The following CDH18 variants were observed in gnomAD, a reference collection of about 807,000 sequenced individuals.
The protein encoded by CDH18 is cadherin 18.
CDH18 carries 31 observed loss-of-function variants against 67.9 expected under a neutral mutation model. That is an observed-to-expected ratio of 0.46 (90% CI 0.34 to 0.62). CDH18 has a LOEUF of 0.62. Ranked by LOEUF, CDH18 falls within the 20% of genes least tolerant of loss-of-function variation. The pLI, the probability that CDH18 is intolerant of heterozygous loss-of-function variation, is 0.01. For missense variants in CDH18, 890 were observed against 975.5 expected, an observed-to-expected ratio of 0.91 and a Z score of 1.17; for synonymous variants, 362 against 347.2, an observed-to-expected ratio of 1.04 and a Z score of -0.48.
At chr5:20,408,053 A>G (rs1746444617) in intron 1 of CDH18, among the ~76,000 whole-genome samples, 1 of 152,090 alleles carries the variant, frequency 6.6e-6, no homozygotes, top group Admixed American at 6.6e-5. Flanking sequence ...AATCTCCATA[A>G]CAATATCAGG....
At chr5:19,973,162 G>A (rs970141389) in intron 2 of CDH18, among the ~76,000 whole-genome samples, 1 of 152,026 alleles carries the variant, frequency 6.6e-6, no homozygotes, top group African/African-American at 2.4e-5. Context: ...ATGTTAAAAA[G>A]CCAATGGAAA....
At chr5:19,515,617 G>A (rs1745856513) in intron 10 of CDH18, among the ~76,000 whole-genome samples, 1 of 152,136 alleles carries the variant, frequency 6.6e-6, no homozygotes, top group African/African-American at 2.4e-5. Flanking sequence ...TAGCAATTGT[G>A]AATGGGAGTT....
intron 2 of CDH18, among the ~76,000 whole-genome samples, chr5:20,144,008 A>AAGT (rs1181245843): frequency 6.6e-6 from 1 of 152,162 alleles, no homozygotes; most frequent in East Asian, 1.9e-4. Flanking sequence ...ATTGCATGGG[A>AAGT]AGTAGACAAG....
At chr5:20,101,494 G>C (rs1746460466) in intron 2 of CDH18, among the ~76,000 whole-genome samples, 1 of 152,138 alleles carries the variant, frequency 6.6e-6, no homozygotes, top group Non-Finnish European at 1.5e-5. Context: ...CATTGGCCAT[G>C]GGCTGACTTG....
At chr5:19,828,363 TCTACAAGG>T (rs140015829) in intron 3 of CDH18, among the ~76,000 whole-genome samples, 6,305 of 152,094 alleles carry the variant, frequency 0.041, 439 homozygotes, top group African/African-American at 0.14. Flanking sequence ...CCTAACTCAG[TCTACAAGG>T]CCAGCATCAT....
intron 1 of CDH18, among the ~76,000 whole-genome samples, chr5:20,353,015 GTGTA>G (rs1741334116): frequency 6.6e-6 from 1 of 152,132 alleles, no homozygotes; most frequent in Non-Finnish European, 1.5e-5. Flanking sequence ...CTTCTCTCAA[GTGTA>G]TCACAAATAA....
At chr5:19,762,447 A>C (rs1772489240) in intron 3 of CDH18, among the ~76,000 whole-genome samples, 1 of 152,214 alleles carries the variant, frequency 6.6e-6, no homozygotes, top group African/African-American at 2.4e-5. Flanking sequence ...ATGAACAGAC[A>C]CTTCAAAAGA....
chr5:19,723,988 G>A (rs1766469209), intron 4 of CDH18, among the ~76,000 whole-genome samples: 1 of 152,076 alleles, frequency 6.6e-6, no homozygotes, highest in Non-Finnish European at 1.5e-5. Flanking sequence ...GGGATTACAG[G>A]TGTGAGCCAC....
At chr5:19,674,196 A>C (rs954061073) in intron 5 of CDH18, among the ~76,000 whole-genome samples, 1 of 152,124 alleles carries the variant, frequency 6.6e-6, no homozygotes, top group Non-Finnish European at 1.5e-5. Context: ...TTTCACTAGA[A>C]TATGCAAATG....
intron 1 of CDH18, among the ~76,000 whole-genome samples, chr5:20,355,504 C>T (rs538560186): frequency 2.0e-5 from 3 of 152,254 alleles, no homozygotes; most frequent in African/African-American, 7.2e-5. Flanking sequence ...TCTTACATTT[C>T]TTTGACTTAA....
At chr5:20,273,736 A>G (rs1156379820) in intron 1 of CDH18, among the ~76,000 whole-genome samples, 1 of 152,134 alleles carries the variant, frequency 6.6e-6, no homozygotes, top group Non-Finnish European at 1.5e-5. Flanking sequence ...TAAAGCTATC[A>G]GTAAATAGAT....
intron 2 of CDH18, among the ~76,000 whole-genome samples, chr5:19,873,895 AC>A (rs975365872): frequency 5.3e-5 from 8 of 151,960 alleles, no homozygotes; most frequent in African/African-American, 1.9e-4. Context: ...GAATCCGCCC[AC>A]CTCGGCCTCC....
chr5:20,057,398 A>G (rs1742088923), intron 2 of CDH18, among the ~76,000 whole-genome samples: 1 of 152,174 alleles, frequency 6.6e-6, no homozygotes. Flanking sequence ...TACAATTTAG[A>G]CAGATTTTGT....
At position 19,601,690 on chromosome 5, in the gene CDH18, A is replaced by G. The variant is rs1747153950; in HGVS notation, c.812-10446T>C. Among the ~76,000 whole-genome samples the G allele has an allele frequency of 3.3e-5, 5 of 152,252 alleles. No individual in the cohort carries two copies. In the South Asian group the frequency reaches 1.0e-3, roughly 32 times the overall value. ...CAATATTCCTTATGAATATTAATAC[A>G]AAAATTATTAACAAAATACTAGTAA... On this transcript the variant is annotated intron_variant, in intron 6 of 12. Coordinates refer to ENST00000382275, the MANE Select transcript of CDH18 (RefSeq NM_004934.5).
intron 2 of CDH18, among the ~76,000 whole-genome samples, chr5:19,887,178 T>C (rs1306928254): frequency 6.6e-6 from 1 of 151,356 alleles, no homozygotes; most frequent in Admixed American, 6.6e-5. Context: ...TTGCTACCCT[T>C]GGCCATTTAC....
chr5:19,729,949 A>T (rs1390469870), intron 4 of CDH18, among the ~76,000 whole-genome samples: 2 of 152,012 alleles, frequency 1.3e-5, no homozygotes, highest in East Asian at 3.9e-4. Context: ...GAAACTGAAA[A>T]ACAAGAATAA....
chr5:20,546,106 G>C (rs1339208192), intron 1 of CDH18, among the ~76,000 whole-genome samples: 1 of 152,070 alleles, frequency 6.6e-6, no homozygotes, highest in Non-Finnish European at 1.5e-5. Context: ...TCTTTGCATA[G>C]CATGAATGAC....
intron 4 of CDH18, among the ~76,000 whole-genome samples, chr5:19,740,164 C>T (rs1040290402): frequency 2.6e-5 from 4 of 152,068 alleles, no homozygotes; most frequent in African/African-American, 9.7e-5. Flanking sequence ...CTCTCTCATA[C>T]ATTAAAAAGT....
intron 7 of CDH18, among the ~76,000 whole-genome samples, chr5:19,577,430 T>C (rs1292082657): frequency 6.6e-6 from 1 of 152,190 alleles, no homozygotes; most frequent in African/African-American, 2.4e-5. Context: ...GACTTTTTTA[T>C]TTCTTCCATT....
Sources: gnomAD v4.1 joint callset for allele counts (sites outside exome capture counted in the v4.1 genomes callset) on GRCh38, gnomAD v4.1.1 for gene constraint, MANE v1.5 for transcripts, NCBI Gene and HGNC (gene_info 2026-07-23, HGNC 2026-07-21) for gene names.